ITGB6: variants seen among roughly 807,000 people sequenced by gnomAD.
ITGB6 encodes integrin subunit beta 6.
In ITGB6, 80 loss-of-function variants were observed where a neutral mutation model predicts 84.5. The observed-to-expected ratio is 0.95, with a 90% CI of 0.79 to 1.14. ITGB6 has a LOEUF of 1.14. Among genes scored for constraint, ITGB6 ranks in the 50% most tolerant of loss-of-function variants. ITGB6 has a pLI of 0.00. For synonymous variants in ITGB6, 383 were observed against 354.9 expected (o/e 1.08, Z -0.89); for missense variants, 1,006 against 968.0 (o/e 1.04, Z -0.52).
At chr2:160,151,427 C>G (rs1414617840) in intron 7 of ITGB6, among the ~76,000 whole-genome samples, 1 of 152,186 alleles carries the variant, frequency 6.6e-6, no homozygotes, top group Non-Finnish European at 1.5e-5. Flanking sequence ...ACCAGAATCT[C>G]TGGGACACAT....
At chr2:160,146,367 T>G (rs965944362) in intron 7 of ITGB6, among the ~76,000 whole-genome samples, 1 of 152,162 alleles carries the variant, frequency 6.6e-6, no homozygotes, top group African/African-American at 2.4e-5. Context: ...ACTCTCTGCT[T>G]GCTTAACTCT....
intron 4 of ITGB6, among the ~76,000 whole-genome samples, chr2:160,182,209 A>C (rs1685707568): frequency 6.6e-6 from 1 of 152,208 alleles, no homozygotes; most frequent in Non-Finnish European, 1.5e-5. Context: ...CTAAAGGAGC[A>C]TGTTCTAACC....
chr2:160,125,219 G>A (rs979703289), intron 11 of ITGB6, among the ~76,000 whole-genome samples: 10 of 152,168 alleles, frequency 6.6e-5, no homozygotes, highest in African/African-American at 2.4e-4. Context: ...ATGATTCTTG[G>A]CATATAGTAG....
intron 14 of ITGB6, among the ~76,000 whole-genome samples, chr2:160,106,279 C>G (rs1696904476): frequency 6.6e-6 from 1 of 152,128 alleles, no homozygotes; most frequent in Non-Finnish European, 1.5e-5. Context: ...CACTCTGTCA[C>G]CTAGGCTGGA....
Position 160,142,226 on chromosome 2 carries a change from T to G in ITGB6, c.1018-155A>C, listed in dbSNP as rs552562758. On this transcript the variant is annotated intron_variant, in intron 7 of 14. Transcript: ENST00000283249. ...CTGCTTTTCTCCTGAAACTGTAGCC[T>G]TTACTTTGTGCTGCTTCCTGTGCTC... 1.3e-4 allele frequency among the ~76,000 whole-genome samples: 20 copies of G among 152,290 alleles called. No homozygotes were observed. The South Asian group carries it at 4.1e-3, about 32-fold the overall frequency.
intron 4 of ITGB6, among the ~76,000 whole-genome samples, chr2:160,195,114 A>G (rs948841693): frequency 3.9e-5 from 6 of 152,162 alleles, no homozygotes; most frequent in African/African-American, 1.4e-4. Flanking sequence ...CATAACACGC[A>G]TTCTGGTTTG....
intron 10 of ITGB6, among the ~76,000 whole-genome samples, chr2:160,135,113 T>G (rs949045802): frequency 6.6e-5 from 10 of 151,468 alleles, no homozygotes; most frequent in South Asian, 6.3e-4. Flanking sequence ...GGAAGTCAAA[T>G]TGTCCCTGTT....
chr2:160,107,571 A>G, intron 14 of ITGB6, 108 bp downstream of exon 14: 1 of 1,025,068 alleles, frequency 9.8e-7, no homozygotes, highest in Non-Finnish European at 1.5e-6. Context: ...GTGGGAGAGA[A>G]AAAATGTGAC....
intron 7 of ITGB6, among the ~76,000 whole-genome samples, chr2:160,147,478 C>A (rs1264569718): frequency 6.6e-6 from 1 of 152,124 alleles, no homozygotes; most frequent in Non-Finnish European, 1.5e-5. Context: ...TATGAACAAA[C>A]TGATTCTAAA....
intron 4 of ITGB6, among the ~76,000 whole-genome samples, chr2:160,180,883 G>A (rs905583180): frequency 3.9e-5 from 6 of 152,196 alleles, no homozygotes; most frequent in Admixed American, 3.9e-4. Context: ...GGAAGCGCAA[G>A]TGGTCAGGAA....
intron 7 of ITGB6, among the ~76,000 whole-genome samples, chr2:160,153,318 A>G (rs1220066821): frequency 6.6e-6 from 1 of 152,228 alleles, no homozygotes; most frequent in African/African-American, 2.4e-5. Context: ...GACAAACCTG[A>G]CAAAAACAAG....
intron 12 of ITGB6, among the ~76,000 whole-genome samples, chr2:160,117,934 T>C (rs1315652856): frequency 1.3e-5 from 2 of 152,120 alleles, no homozygotes; most frequent in Admixed American, 1.3e-4. Context: ...ATAAATTCCT[T>C]GACACATACA....
At chr2:160,139,916 C>T (rs1239446682) in intron 8 of ITGB6, among the ~76,000 whole-genome samples, 1 of 152,040 alleles carries the variant, frequency 6.6e-6, no homozygotes, top group Non-Finnish European at 1.5e-5. Context: ...AAGTACACAT[C>T]GGTATTTAAG....
At chr2:160,191,383 T>TA (rs1686136183) in intron 4 of ITGB6, among the ~76,000 whole-genome samples, 1 of 152,176 alleles carries the variant, frequency 6.6e-6, no homozygotes, top group Non-Finnish European at 1.5e-5. Context: ...GTCATGTAAC[T>TA]AAGTGCCAGC....
At chr2:160,101,937 G>T in intron 14 of ITGB6, 103 bp from the exon 15 acceptor site, 1 of 666,540 alleles carries the variant, frequency 1.5e-6, no homozygotes. Flanking sequence ...CTCAGTCTTG[G>T]AAACCATTAG....
intron 13 of ITGB6, among the ~76,000 whole-genome samples, chr2:160,110,282 A>G (rs1336430044): frequency 6.6e-6 from 1 of 152,234 alleles, no homozygotes; most frequent in Non-Finnish European, 1.5e-5. Flanking sequence ...AAATGAAAAT[A>G]ATAGTGGTAC....
chr2:160,155,272 A>G (rs1295849810), intron 7 of ITGB6, among the ~76,000 whole-genome samples: 1 of 152,220 alleles, frequency 6.6e-6, no homozygotes, highest in Non-Finnish European at 1.5e-5. Context: ...TGGAGCCAGT[A>G]AAAAGATGAG....
chr2:160,113,268 G>C (rs772667315), intron 12 of ITGB6, among the ~76,000 whole-genome samples: 1 of 152,158 alleles, frequency 6.6e-6, no homozygotes, highest in Non-Finnish European at 1.5e-5. Flanking sequence ...CATTAATAAA[G>C]CAGAATCTAA....
chr2:160,142,486 A>C (rs1035214421), intron 7 of ITGB6, among the ~76,000 whole-genome samples: 17 of 152,230 alleles, frequency 1.1e-4, no homozygotes, highest in African/African-American at 3.9e-4. Flanking sequence ...ATGGGCAATG[A>C]GGGGAATCAG....
Sources: allele counts gnomAD v4.1 joint callset (sites outside exome capture counted in the v4.1 genomes callset), GRCh38; gene constraint gnomAD v4.1.1; transcripts MANE v1.5; gene names NCBI Gene and HGNC (gene_info 2026-07-23, HGNC 2026-07-21).